The following AUTS2 variants were observed in gnomAD, a reference collection of about 807,000 sequenced individuals.
The protein encoded by AUTS2 is autism susceptibility gene 2 protein.
A neutral mutation model predicts 112.4 loss-of-function variants in AUTS2; 17 were observed. The ratio of observed to expected loss-of-function variants is 0.15; its 90% CI spans 0.10 to 0.23. AUTS2 has a LOEUF of 0.23. AUTS2 is among the 10% of genes least tolerant of loss of function. The pLI, the probability that AUTS2 is intolerant of heterozygous loss-of-function variation, is 1.00. For synonymous variants in AUTS2, 751 were observed against 702.7 expected (o/e 1.07, Z -1.09); for missense variants, 1,510 against 1,701.6 (o/e 0.89, Z 1.98).
rs193132536 is a variant in AUTS2, at chr7:70,051,058, A to G, written c.523-67074A>G. ...AGAAGCTCCTCCGCCTTCCCCTGCC[A>G]AGGGGATGAGCAAATGTGTGTTACA... On this transcript the variant is annotated intron_variant, in intron 2 of 18. Transcript: ENST00000342771. Among the ~76,000 whole-genome samples the G allele has an allele frequency of 1.3e-3, 192 of 152,340 alleles. 1 individual carries two copies. The East Asian group carries it at 0.013, about 10-fold the overall frequency.
intron 2 of AUTS2, among the ~76,000 whole-genome samples, chr7:69,996,481 G>A (rs1798946385): frequency 6.6e-6 from 1 of 152,200 alleles, no homozygotes. Flanking sequence ...TATAGCCAGA[G>A]TCAATAATTA....
At chr7:69,948,164 T>G (rs1796889840) in intron 2 of AUTS2, among the ~76,000 whole-genome samples, 2 of 152,194 alleles carry the variant, frequency 1.3e-5, no homozygotes, top group African/African-American at 4.8e-5. Flanking sequence ...TTGCTAATCT[T>G]TATCCCTTGA....
At chr7:69,998,089 T>C (rs1282495903) in intron 2 of AUTS2, among the ~76,000 whole-genome samples, 1 of 152,224 alleles carries the variant, frequency 6.6e-6, no homozygotes. Context: ...CAATTTCTCC[T>C]GCTTCCCAAC....
intron 6 of AUTS2, among the ~76,000 whole-genome samples, chr7:70,733,932 T>C (rs1787615086): frequency 6.6e-6 from 1 of 152,076 alleles, no homozygotes; most frequent in South Asian, 2.1e-4. Flanking sequence ...TTTGATATAC[T>C]TTGTTAATAA....
At chr7:70,451,060 T>C (rs1215513222) in intron 5 of AUTS2, among the ~76,000 whole-genome samples, 1 of 152,162 alleles carries the variant, frequency 6.6e-6, no homozygotes, top group Admixed American at 6.5e-5. Flanking sequence ...TTTAGTTCAG[T>C]GTCTGGGAGA....
intron 2 of AUTS2, among the ~76,000 whole-genome samples, chr7:69,925,430 A>G (rs989518464): frequency 6.6e-6 from 1 of 152,054 alleles, no homozygotes; most frequent in Non-Finnish European, 1.5e-5. Context: ...AAATATTCTG[A>G]TCTGTGGTAT....
chr7:69,977,283 A>G (rs1000059148), intron 2 of AUTS2, among the ~76,000 whole-genome samples: 10 of 152,174 alleles, frequency 6.6e-5, no homozygotes, highest in Non-Finnish European at 1.3e-4. Context: ...GCTTGATATT[A>G]TATTCCATTG....
chr7:70,105,344 C>T (rs1476806657), intron 2 of AUTS2, among the ~76,000 whole-genome samples: 3 of 152,216 alleles, frequency 2.0e-5, no homozygotes, highest in African/African-American at 7.2e-5. Flanking sequence ...ACTGCAGCCT[C>T]GAACTCCTGG....
At chr7:70,030,070 G>T (rs1800705489) in intron 2 of AUTS2, among the ~76,000 whole-genome samples, 1 of 152,130 alleles carries the variant, frequency 6.6e-6, no homozygotes, top group African/African-American at 2.4e-5. Context: ...AAGTTCAGTG[G>T]CCCAAAGTTG....
intron 2 of AUTS2, among the ~76,000 whole-genome samples, chr7:69,927,563 T>G (rs1796070513): frequency 6.6e-6 from 1 of 152,214 alleles, no homozygotes; most frequent in Non-Finnish European, 1.5e-5. Flanking sequence ...CCTGCTGGGC[T>G]CATTCCACCC....
intron 4 of AUTS2, among the ~76,000 whole-genome samples, chr7:70,369,343 T>A (rs1371886901): frequency 6.6e-6 from 1 of 152,150 alleles, no homozygotes; most frequent in Non-Finnish European, 1.5e-5. Context: ...TGTTGTTTGG[T>A]CAGTGGGGCA....
chr7:69,882,601 A>T (rs1216818695), intron 1 of AUTS2, among the ~76,000 whole-genome samples: 3 of 152,298 alleles, frequency 2.0e-5, no homozygotes, highest in African/African-American at 7.2e-5. Flanking sequence ...ATAGTAATAA[A>T]AATAATTAAT....
At chr7:69,799,682 T>G (rs1789996982) in intron 1 of AUTS2, among the ~76,000 whole-genome samples, 1 of 152,240 alleles carries the variant, frequency 6.6e-6, no homozygotes, top group South Asian at 2.1e-4. Context: ...ATGGAATTTC[T>G]TAAAACTCCT....
intron 2 of AUTS2, among the ~76,000 whole-genome samples, chr7:70,006,616 A>G (rs1799555091): frequency 6.6e-6 from 1 of 152,096 alleles, no homozygotes; most frequent in South Asian, 2.1e-4. Flanking sequence ...CCCTCCACAG[A>G]CAGATGGTAA....
chr7:70,051,140 G>T (rs1224655026), intron 2 of AUTS2, among the ~76,000 whole-genome samples: 1 of 152,148 alleles, frequency 6.6e-6, no homozygotes, highest in Non-Finnish European at 1.5e-5. Context: ...TTTACCTCTT[G>T]CTTAGTAATT....
chr7:70,290,208 A>C (rs1031219056), intron 4 of AUTS2, among the ~76,000 whole-genome samples: 4 of 152,202 alleles, frequency 2.6e-5, no homozygotes, highest in Admixed American at 2.6e-4. Context: ...TCTGTTATAA[A>C]TGATCATAAG....
chr7:70,045,722 C>T (rs1801472010), intron 2 of AUTS2, among the ~76,000 whole-genome samples: 1 of 151,620 alleles, frequency 6.6e-6, no homozygotes, highest in African/African-American at 2.4e-5. Context: ...AGTTCTCCTG[C>T]CCCAGCCTCC....
chr7:69,796,003 G>C (rs566786869), intron 1 of AUTS2, among the ~76,000 whole-genome samples: 1 of 152,296 alleles, frequency 6.6e-6, no homozygotes, highest in East Asian at 1.9e-4. Context: ...AGTTTTTGGA[G>C]CTATAAATTT....
chr7:70,104,335 A>G (rs1344905106), intron 2 of AUTS2, among the ~76,000 whole-genome samples: 1 of 152,100 alleles, frequency 6.6e-6, no homozygotes, highest in Non-Finnish European at 1.5e-5. Flanking sequence ...AAGCCATTGT[A>G]AGGATAAATT....
Sources: allele counts gnomAD v4.1 joint callset (sites outside exome capture counted in the v4.1 genomes callset), GRCh38; gene constraint gnomAD v4.1.1; transcripts MANE v1.5; gene names NCBI Gene and HGNC (gene_info 2026-07-23, HGNC 2026-07-21).